The following CCDC80 variants were observed in gnomAD, a reference collection of about 807,000 sequenced individuals.
CCDC80 encodes coiled-coil domain containing 80, also known as coiled-coil domain-containing protein 80.
A neutral mutation model predicts 78.7 loss-of-function variants in CCDC80; 49 were observed. The ratio of observed to expected loss-of-function variants is 0.62; its 90% CI spans 0.50 to 0.79. The LOEUF is 0.79. CCDC80 is among the 30% of genes least tolerant of loss of function. CCDC80 has a pLI of 0.00. For missense variants in CCDC80, 1,205 were observed against 1,198.6 expected (o/e 1.01, Z -0.08); for synonymous variants, 488 against 447.0 (o/e 1.09, Z -1.16).
intron 5 of CCDC80, among the ~76,000 whole-genome samples, chr3:112,611,911 C>T (rs1935636414): frequency 6.6e-6 from 1 of 152,076 alleles, no homozygotes; most frequent in South Asian, 2.1e-4. Context: ...AGAAAATGGC[C>T]TCTTGAGGGA....
In CCDC80 at chr3:112,605,730, G is replaced by A; in HGVS notation, c.2540C>T (p.Ala847Val). 6.2e-7 allele frequency: 1 copy of A among 1,614,114 alleles called. No homozygotes were observed. The highest frequency in any genetic ancestry group is 8.5e-7 in the Non-Finnish European group (1 of 1,179,980). The change falls in exon 8 of 8, where the codon GCC becomes GTC. Residue 847 changes from alanine to valine, a missense_variant. By Grantham distance (64) the Ala-to-Val change is moderately conservative. Transcript: ENST00000206423. ...GTTACGAATGTCTTTCACCAAATGGGCTGGTACGTCTTCTCGCTCAACAAC... is the reference window on the plus strand; with the variant it reads ...GTTACGAATGTCTTTCACCAAATGGACTGGTACGTCTTCTCGCTCAACAAC... ...SSVVEREDVP[A>V]HLVKDIRNYF...
chr3:112,610,186 G>GA (rs11305337), intron 5 of CCDC80, 105 bp from the exon 6 acceptor site: 53,898 of 542,412 alleles, frequency 0.099, no homozygotes, highest in East Asian at 0.14. Context: ...TCTGTGCCCA[G>GA]AAAAAAAAAA....
Position 112,630,217 on chromosome 3 carries a change from T to C in CCDC80, c.1931A>G (p.Glu644Gly), listed in dbSNP as rs1936070274. 17 of 1,613,796 alleles carry C rather than the reference T, an allele frequency of 1.1e-5. No individual in the cohort carries two copies. Among genetic ancestry groups the C allele is most frequent in the Non-Finnish European group, 1.4e-5 (16 of 1,179,832 alleles). Reference sequence around the variant, plus strand: ...CATCTTGCAGAAACTTTCCAGATATTCATCACGTTGTTGCACATACATATT... The same window carrying C: ...CATCTTGCAGAAACTTTCCAGATATCCATCACGTTGTTGCACATACATATT... ...ENNMYVQQRDEYLESFCKMAT... is the reference protein window; with the variant it reads ...ENNMYVQQRDGYLESFCKMAT... The change falls in exon 3 of 8, where the codon GAA (glutamate) becomes GGA (glycine). Residue 644 changes from glutamate (E) to glycine (G), a missense_variant. Coordinates refer to ENST00000206423, the MANE Select transcript of CCDC80 (RefSeq NM_199511.3).
In CCDC80 at chr3:112,597,787, A is replaced by C. The variant is rs1404181191; in HGVS notation, c.*7630T>G. ...GACTACATAACCATCATCACTCATC[A>C]TCTCTCCCTGGTCCCTTCCACCTGC... On this transcript the variant is annotated 3_prime_UTR_variant, in exon 8 of 8. Coordinates refer to ENST00000206423, the MANE Select transcript of CCDC80 (RefSeq NM_199511.3). 6.6e-6 allele frequency: 1 copy of C among 152,058 alleles called. No homozygotes were observed. The highest frequency in any genetic ancestry group is 1.5e-5 in the Non-Finnish European group (1 of 68,016). The allele number at this position is 152,058 out of a possible 1,614,324, so 9.4% of individuals were successfully genotyped here. A position where few individuals can be genotyped will look rare whatever the true frequency, so the allele number is the denominator to read the frequency against.
At chr3:112,634,482 T>C (rs951755054) in intron 2 of CCDC80, among the ~76,000 whole-genome samples, 1 of 152,140 alleles carries the variant, frequency 6.6e-6, no homozygotes, top group African/African-American at 2.4e-5. Context: ...CTCACTATCG[T>C]CAACCTCAAA....
chr3:112,639,115 C>T lies in CCDC80; in HGVS notation c.791G>A (p.Gly264Asp). The change falls in exon 2 of 8, where the codon GGC becomes GAC. Residue 264 changes from glycine to aspartate, a missense_variant. By Grantham distance (94) the Gly-to-Asp change is moderately conservative. Coordinates refer to ENST00000206423, the MANE Select transcript of CCDC80 (RefSeq NM_199511.3). ...GATCTTCTCGATCCTACGGATGGGG[C>T]CTTGGTCGATGACCTCGTACATGGC... ...LEAMYEVIDQGPIRRIEKIRQ... is the reference protein window; with the variant it reads ...LEAMYEVIDQDPIRRIEKIRQ... 2 of 1,614,134 alleles carry T rather than the reference C, an allele frequency of 1.2e-6. No homozygotes were observed. Among genetic ancestry groups the T allele is most frequent in the Non-Finnish European group, 8.5e-7 (1 of 1,180,028 alleles).
rs1471886952 is a variant in CCDC80, at chr3:112,639,034, A to G, written c.872T>C (p.Val291Ala). 6 of 1,609,720 alleles carry G rather than the reference A, an allele frequency of 3.7e-6. No individual in the cohort carries two copies. Among genetic ancestry groups the G allele is most frequent in the Non-Finnish European group, 5.1e-6 (6 of 1,179,410 alleles). ...CKASGVEGQV[V>A]AEGNDGGGGA... is the part of the protein sequence containing the mutation. ...CCCTCCACCGTCATTCCCCTCCGCC[A>G]CCACCTGGCCCTCTACACCAGAGGC... is the stretch of plus-strand genomic sequence containing the variant. The change falls in exon 2 of 8, where the codon GTG becomes GCG. Residue 291 changes from valine to alanine, a missense_variant. Val to Ala is a moderately conservative substitution (Grantham distance 64). Transcript: ENST00000206423.
chr3:112,607,147 C>A, intron 7 of CCDC80, 29 bp downstream of exon 7: 2 of 1,514,918 alleles, frequency 1.3e-6, no homozygotes, highest in South Asian at 2.3e-5. Context: ...AACACTAGTT[C>A]ATACTGTTTC....
chr3:112,619,183 G>T, intron 3 of CCDC80, 79 bp from the exon 4 acceptor site: 2 of 1,311,966 alleles, frequency 1.5e-6, no homozygotes, highest in Non-Finnish European at 2.0e-6. Context: ...GAAGGCTTTG[G>T]GCCTAATCAC....
At position 112,639,855 on chromosome 3, in the gene CCDC80, T is replaced by C. The variant is rs1473528549; in HGVS notation, c.51A>G (p.Leu17=). 6.2e-7 allele frequency: 1 copy of C among 1,614,148 alleles called. No individual in the cohort carries two copies. Among genetic ancestry groups the C allele is most frequent in the East Asian group, 2.2e-5 (1 of 44,888 alleles). The change falls in exon 2 of 8, where the codon CTA becomes CTG. Residue 17 remains leucine, a synonymous_variant. Transcript: ENST00000206423. ...GGGGGTGGGGTTCTGATCCACACAC[T>C]AGCCACATGGCCAACAGCATAGTGA... The part of the protein sequence containing the change: ...PRFTMLLAMW[L]VCGSEPHPHA...
intron 3 of CCDC80, among the ~76,000 whole-genome samples, chr3:112,623,674 G>A (rs1221032087): frequency 5.9e-5 from 9 of 152,064 alleles, no homozygotes; most frequent in Non-Finnish European, 2.9e-5. Flanking sequence ...TGTCCCAGAG[G>A]AGAAAATCTA....
intron 6 of CCDC80, among the ~76,000 whole-genome samples, chr3:112,608,129 T>A (rs1425321453): frequency 6.6e-6 from 1 of 152,206 alleles, no homozygotes; most frequent in Non-Finnish European, 1.5e-5. Context: ...GAAGTGGATA[T>A]GAAGAGATTC....
Position 112,605,317 on chromosome 3 carries a change from G to T in CCDC80, c.*100C>A. The T allele has an allele frequency of 2.7e-6, 2 of 739,252 alleles. No homozygotes were observed. Among genetic ancestry groups the T allele is most frequent in the Non-Finnish European group, 2.2e-6 (1 of 459,126 alleles). The allele number at this position is 739,252 out of a possible 1,614,324, so 45.8% of individuals were successfully genotyped here. On this transcript the variant is annotated 3_prime_UTR_variant, in exon 8 of 8. Coordinates refer to ENST00000206423, the MANE Select transcript of CCDC80 (RefSeq NM_199511.3). ...CTTAGAAAAACACTGAAAGAAAAAG[G>T]CAGGAAATGTAGTACGCAGTGTGGA...
intron 3 of CCDC80, among the ~76,000 whole-genome samples, chr3:112,628,588 C>T (rs1936027508): frequency 6.6e-6 from 1 of 152,206 alleles, no homozygotes; most frequent in Middle Eastern, 3.4e-3. Flanking sequence ...GAGTAGCTTG[C>T]CCAAGGTCAC....
At chr3:112,617,783 C>T (rs1309002240) in intron 4 of CCDC80, among the ~76,000 whole-genome samples, 1 of 152,208 alleles carries the variant, frequency 6.6e-6, no homozygotes, top group African/African-American at 2.4e-5. Flanking sequence ...CCCCATTTCA[C>T]ATGGTTTCAG....
chr3:112,618,534 T>TA (rs1215046972), intron 4 of CCDC80, among the ~76,000 whole-genome samples: 50 of 145,856 alleles, frequency 3.4e-4, no homozygotes, highest in Middle Eastern at 3.6e-3. Flanking sequence ...CTCAAAATAA[T>TA]AAAAAAAAAA....
At position 112,625,626 on chromosome 3, in the gene CCDC80, G is replaced by GA. The variant is rs537740533; in HGVS notation, c.2035+4486dup. 3.3e-5 allele frequency among the ~76,000 whole-genome samples: 5 copies of GA among 151,940 alleles called. No individual in the cohort carries two copies. In the East Asian group the frequency reaches 7.7e-4, roughly 23 times the overall value. ...AAGATCTCCTAGAAATATTTTAAGT[G>GA]AAAAAAGCAAGGTGTGGAACAATAT... On this transcript the variant is annotated intron_variant, in intron 3 of 7. Transcript: ENST00000206423.
At position 112,602,067 on chromosome 3, in the gene CCDC80, CACTT is replaced by C. The variant is rs1225049008; in HGVS notation, c.*3346_*3349del. 9.9e-5 allele frequency: 15 copies of C among 152,154 alleles called. No homozygotes were observed. Among genetic ancestry groups the C allele is most frequent in the African/African-American group, 3.1e-4 (13 of 41,436 alleles). 9.4% of individuals were successfully genotyped at this position (152,154 alleles called of 1,614,324 possible). ...CATCATTTTTGCAATAGTATGTACT[CACTT>C]TATGTCTCTGTGTCACATTTTGGTA... On this transcript the variant is annotated 3_prime_UTR_variant, in exon 8 of 8. Transcript: ENST00000206423.
At chr3:112,630,004 C>T (rs1215589768) in intron 3 of CCDC80, 109 bp downstream of exon 3, 1 of 1,008,924 alleles carries the variant, frequency 9.9e-7, no homozygotes, top group African/African-American at 1.6e-5. Context: ...CCAAAGAGCC[C>T]TCTGAACATC....
Sources: allele counts gnomAD v4.1 joint callset (sites outside exome capture counted in the v4.1 genomes callset), GRCh38; gene constraint gnomAD v4.1.1; transcripts MANE v1.5; gene names NCBI Gene and HGNC (gene_info 2026-07-23, HGNC 2026-07-21).